The following AGBL4 variants were observed in gnomAD, a reference collection of about 807,000 sequenced individuals.
The protein encoded by AGBL4 is cytosolic carboxypeptidase 6.
In AGBL4, 58 loss-of-function variants were observed where a neutral mutation model predicts 66.4. The observed-to-expected ratio is 0.87, with a 90% CI of 0.71 to 1.09. AGBL4 has a LOEUF of 1.09. Ranked by LOEUF, AGBL4 falls within the 50% of genes least tolerant of loss-of-function variation. The probability of loss-of-function intolerance (pLI) is 0.00; values close to 1 mark genes in which losing one functional copy is unlikely to be tolerated. For synonymous variants in AGBL4, 234 were observed against 222.9 expected, an observed-to-expected ratio of 1.05 and a Z score of -0.44; for missense variants, 579 against 631.0, an observed-to-expected ratio of 0.92 and a Z score of 0.88.
intron 3 of AGBL4, among the ~76,000 whole-genome samples, chr1:49,350,191 T>G (rs1645720870): frequency 6.6e-6 from 1 of 152,010 alleles, no homozygotes; most frequent in African/African-American, 2.4e-5. Context: ...ATATTTGTTT[T>G]TTTTTTTGTT....
chr1:49,019,024 A>G (rs1263078403), intron 5 of AGBL4, among the ~76,000 whole-genome samples: 1 of 152,310 alleles, frequency 6.6e-6, no homozygotes, highest in Non-Finnish European at 1.5e-5. Context: ...CTCCTTAGGT[A>G]TGTACATTCG....
chr1:49,079,716 C>G (rs991733759), intron 4 of AGBL4, among the ~76,000 whole-genome samples: 1 of 152,042 alleles, frequency 6.6e-6, no homozygotes, highest in African/African-American at 2.4e-5. Context: ...AGAATCCTAC[C>G]CAGGTAAAAA....
At chr1:48,822,543 C>T (rs1646338502) in intron 6 of AGBL4, among the ~76,000 whole-genome samples, 1 of 152,200 alleles carries the variant, frequency 6.6e-6, no homozygotes, top group Admixed American at 6.5e-5. Context: ...AATCAATTGA[C>T]CATATTTGTG....
intron 4 of AGBL4, among the ~76,000 whole-genome samples, chr1:49,236,280 G>C (rs966172676): frequency 2.0e-5 from 3 of 151,878 alleles, no homozygotes; most frequent in African/African-American, 7.3e-5. Context: ...CACCCTCCTT[G>C]GTCTCCCAAA....
chr1:50,012,517 G>A (rs1279013711), intron 1 of AGBL4, among the ~76,000 whole-genome samples: 1 of 151,830 alleles, frequency 6.6e-6, no homozygotes, highest in South Asian at 2.1e-4. Flanking sequence ...AAATAAATAA[G>A]AAAAAATTTT....
intron 3 of AGBL4, among the ~76,000 whole-genome samples, chr1:49,388,822 G>A (rs1005284005): frequency 6.6e-6 from 1 of 152,162 alleles, no homozygotes; most frequent in Non-Finnish European, 1.5e-5. Context: ...TCGCACAGAA[G>A]TTTAATGCCT....
At chr1:48,663,103 G>A (rs764264535) in intron 7 of AGBL4, 49 bp downstream of exon 7, 20 of 1,558,208 alleles carry the variant, frequency 1.3e-5, no homozygotes, top group African/African-American at 4.1e-5. Flanking sequence ...TCATCACAGT[G>A]TCCCAGTTGG....
chr1:48,591,377 G>C (rs890994900), intron 9 of AGBL4, among the ~76,000 whole-genome samples: 1 of 152,116 alleles, frequency 6.6e-6, no homozygotes, highest in African/African-American at 2.4e-5. Flanking sequence ...TGATTAATGA[G>C]AAATACCTTC....
At chr1:49,364,934 A>G (rs1423605072) in intron 3 of AGBL4, among the ~76,000 whole-genome samples, 1 of 152,192 alleles carries the variant, frequency 6.6e-6, no homozygotes, top group African/African-American at 2.4e-5. Flanking sequence ...TACTGAACCT[A>G]TTGTATGAGA....
chr1:48,805,531 C>T (rs1243691120), intron 6 of AGBL4, among the ~76,000 whole-genome samples: 1 of 152,100 alleles, frequency 6.6e-6, no homozygotes, highest in Non-Finnish European at 1.5e-5. Flanking sequence ...AGTCAAAGTA[C>T]CTGCCAGATT....
Position 49,456,805 on chromosome 1 carries a change from T to G in AGBL4, c.283-210941A>C, listed in dbSNP as rs562531229. 3.3e-5 allele frequency among the ~76,000 whole-genome samples: 5 copies of G among 151,842 alleles called. No homozygotes were observed. In the East Asian group the frequency reaches 7.8e-4, roughly 24 times the overall value. The stretch of plus-strand genomic sequence containing the variant: ...ATCCTCATAACTTAGCTCCCAATTA[T>G]GAGCGAGAACATACGATGTTTGGTT... On this transcript the variant is annotated intron_variant, in intron 3 of 13. Transcript: ENST00000371839.
chr1:49,176,794 T>C (rs921448605), intron 4 of AGBL4, among the ~76,000 whole-genome samples: 3 of 152,178 alleles, frequency 2.0e-5, no homozygotes. Flanking sequence ...AAAAAATCTC[T>C]TAACTTTCTG....
At chr1:49,124,563 A>G (rs1228464690) in intron 4 of AGBL4, among the ~76,000 whole-genome samples, 1 of 152,174 alleles carries the variant, frequency 6.6e-6, no homozygotes, top group African/African-American at 2.4e-5. Flanking sequence ...GAGGAACAGG[A>G]TCTGGATTTG....
downstream of AGBL4, among the ~76,000 whole-genome samples, chr1:48,528,540 A>G (rs1161633141): frequency 6.6e-6 from 1 of 152,004 alleles, no homozygotes; most frequent in Non-Finnish European, 1.5e-5. Context: ...GAACCGAGAG[A>G]CAGAGAGGTG....
intron 4 of AGBL4, among the ~76,000 whole-genome samples, chr1:49,206,996 C>A (rs1245943371): frequency 6.6e-6 from 1 of 151,888 alleles, no homozygotes; most frequent in Non-Finnish European, 1.5e-5. Flanking sequence ...CCGCTTGATT[C>A]CCCAATCTGG....
At chr1:49,880,695 G>A (rs557254308) in intron 1 of AGBL4, among the ~76,000 whole-genome samples, 1 of 152,290 alleles carries the variant, frequency 6.6e-6, no homozygotes, top group East Asian at 1.9e-4. Context: ...CACCCAGTTT[G>A]AGCTTCCCGG....
intron 5 of AGBL4, among the ~76,000 whole-genome samples, chr1:48,971,085 T>G (rs1393892348): frequency 6.6e-6 from 1 of 152,102 alleles, no homozygotes; most frequent in Non-Finnish European, 1.5e-5. Flanking sequence ...TAACCTCTAT[T>G]GTATATTCTA....
intron 1 of AGBL4, among the ~76,000 whole-genome samples, chr1:49,927,248 C>T (rs1652868939): frequency 6.6e-6 from 1 of 152,154 alleles, no homozygotes; most frequent in African/African-American, 2.4e-5. Flanking sequence ...CAAGTTGACA[C>T]TGAGTATTAA....
chr1:49,079,059 A>G (rs952885920), intron 4 of AGBL4, among the ~76,000 whole-genome samples: 3 of 152,200 alleles, frequency 2.0e-5, no homozygotes, highest in Admixed American at 2.0e-4. Flanking sequence ...AGCCTAGCAC[A>G]TATTGAAGTG....
Sources: gnomAD v4.1 joint callset for allele counts (sites outside exome capture counted in the v4.1 genomes callset) on GRCh38, gnomAD v4.1.1 for gene constraint, MANE v1.5 for transcripts, NCBI Gene and HGNC (gene_info 2026-07-23, HGNC 2026-07-21) for gene names.